Variants in KDELR2 observed in about 807,000 individuals in gnomAD.
KDELR2 encodes the protein KDEL endoplasmic reticulum protein retention receptor 2.
In KDELR2, 15 loss-of-function variants were observed where a neutral mutation model predicts 23.9. The ratio of observed to expected loss-of-function variants is 0.63; its 90% CI spans 0.42 to 0.97. KDELR2 has a LOEUF of 0.97. Ranked by LOEUF, KDELR2 falls within the 50% of genes least tolerant of loss-of-function variation. KDELR2 has a pLI of 0.00. For missense variants in KDELR2, 272 were observed against 254.6 expected (o/e 1.07, Z -0.46); for synonymous variants, 119 against 106.2 (o/e 1.12, Z -0.74).
Position 6,461,115 on chromosome 7 carries a change from G to A in KDELR2, c.*2026C>T, listed in dbSNP as rs920786258. ...TAATTACCTGGTAACCTTTATTCGGGAAGTGAAAGTAACTGTGAAACAGTG... is the reference window on the plus strand; with the variant it reads ...TAATTACCTGGTAACCTTTATTCGGAAAGTGAAAGTAACTGTGAAACAGTG... On this transcript the variant is annotated 3_prime_UTR_variant, in exon 5 of 5. Coordinates refer to ENST00000258739, the MANE Select transcript of KDELR2 (RefSeq NM_006854.4). 6.6e-6 allele frequency: 1 copy of A among 152,154 alleles called. No homozygotes were observed. Among genetic ancestry groups the A allele is most frequent in the Non-Finnish European group, 1.5e-5 (1 of 68,032 alleles). The allele number at this position is 152,154 out of a possible 1,614,324, so 9.4% of individuals were successfully genotyped here.
rs926395540 is a variant in KDELR2 at position 6,469,674 on chromosome 7, A to G, written c.273T>C (p.Asp91=). The G allele has an allele frequency of 1.9e-6, 3 of 1,614,116 alleles. No homozygotes were observed. The highest frequency in any genetic ancestry group is 2.5e-6 in the Non-Finnish European group (3 of 1,179,950). ...CCACCAGAAACTCCACTCGGAAGGTATCATGATTTCCATCGTAGGTTGCCT... is the reference window on the plus strand; with the variant it reads ...CCACCAGAAACTCCACTCGGAAGGTGTCATGATTTCCATCGTAGGTTGCCT... The part of the protein sequence containing the change: ...KFKATYDGNH[D]TFRVEFLVVP... Residue 91 remains aspartate, a synonymous_variant, in exon 3 of 5, where the codon GAT becomes GAC. Coordinates refer to ENST00000258739, the MANE Select transcript of KDELR2 (RefSeq NM_006854.4).
At position 6,469,664 on chromosome 7, in the gene KDELR2, C is replaced by G; in HGVS notation, c.283G>C (p.Val95Leu). The change falls in exon 3 of 5, where the codon GTG becomes CTG. Residue 95 changes from valine to leucine, a missense_variant. Physicochemically the swap from Val to Leu is conservative, Grantham distance 32. Coordinates refer to ENST00000258739, the MANE Select transcript of KDELR2 (RefSeq NM_006854.4). ...TYDGNHDTFR[V>L]EFLVVPVGGL... ...CCCACAGGGACCACCAGAAACTCCA[C>G]TCGGAAGGTATCATGATTTCCATCG... The G allele has an allele frequency of 1.2e-6, 2 of 1,614,146 alleles. No individual in the cohort carries two copies. The highest frequency in any genetic ancestry group is 1.7e-6 in the Non-Finnish European group (2 of 1,179,986).
chr7:6,469,944 C>T (rs1785592296), intron 2 of KDELR2, 190 bp from the exon 3 acceptor site: 1 of 463,824 alleles, frequency 2.2e-6, no homozygotes, highest in Non-Finnish European at 3.8e-6. Flanking sequence ...ATAACCACCA[C>T]CAAAATTAGG....
chr7:6,465,558 A>G (rs1392911462), intron 4 of KDELR2, among the ~76,000 whole-genome samples: 1 of 152,158 alleles, frequency 6.6e-6, no homozygotes, highest in Admixed American at 6.5e-5. Context: ...CTATGTTCAT[A>G]CAAATGCAAA....
rs1034210262 is a variant in KDELR2, at chr7:6,467,382, G to A, written c.352-1059C>T. Among the ~76,000 whole-genome samples, 4 of 152,272 alleles carry A rather than the reference G, an allele frequency of 2.6e-5. No homozygotes were observed. The East Asian group carries it at 7.7e-4, about 29-fold the overall frequency. On this transcript the variant is annotated intron_variant, in intron 3 of 4. Transcript: ENST00000258739. ...AATCAAAGGGGTAGAAGTCACAACT[G>A]TAATTATGGAAATTCTCTGCCCAGC... is the stretch of plus-strand genomic sequence containing the variant.
At chr7:6,476,405 G>A (rs1429050899) in intron 1 of KDELR2, among the ~76,000 whole-genome samples, 1 of 152,162 alleles carries the variant, frequency 6.6e-6, no homozygotes, top group Non-Finnish European at 1.5e-5. Flanking sequence ...CCAAGAAACC[G>A]GGAGGTTTCA....
chr7:6,463,015 T>G lies in KDELR2; in HGVS notation c.*126A>C, dbSNP rs780654020. On this transcript the variant is annotated 3_prime_UTR_variant, in exon 5 of 5. Coordinates refer to ENST00000258739, the MANE Select transcript of KDELR2 (RefSeq NM_006854.4). ...TTCCTCTGCGTTTTTACAGAGCCAC[T>G]GATGACTATCTGCAACAAAAGAGTT... 15 of 1,614,090 alleles carry G rather than the reference T, an allele frequency of 9.3e-6. No individual in the cohort carries two copies. Among genetic ancestry groups the G allele is most frequent in the Non-Finnish European group, 1.3e-5 (15 of 1,180,034 alleles).
At chr7:6,477,520 T>C (rs1258640523) in intron 1 of KDELR2, among the ~76,000 whole-genome samples, 1 of 152,228 alleles carries the variant, frequency 6.6e-6, no homozygotes, top group Non-Finnish European at 1.5e-5. Flanking sequence ...ATACTCACTT[T>C]TGTAAATGTT....
rs199508212 is a variant in KDELR2 at position 6,464,740 on chromosome 7, T to C, written c.604+1331A>G. Among the ~76,000 whole-genome samples the C allele has an allele frequency of 2.9e-4, 42 of 142,424 alleles. No individual in the cohort carries two copies. In the East Asian group the frequency reaches 5.4e-3, roughly 18 times the overall value. 93.4% of individuals were successfully genotyped at this position (142,424 alleles called of 152,430 possible). On this transcript the variant is annotated intron_variant, in intron 4 of 4. Transcript: ENST00000258739. ...CATATATGCTCTTTTTTTTCTTTTTTTTTTTTTTTTTTGAGACAGAGTTTT... is the reference window on the plus strand; with the variant it reads ...CATATATGCTCTTTTTTTTCTTTTTCTTTTTTTTTTTTGAGACAGAGTTTT...
At chr7:6,471,990 T>A (rs1785655806) in intron 2 of KDELR2, among the ~76,000 whole-genome samples, 1 of 151,914 alleles carries the variant, frequency 6.6e-6, no homozygotes, top group Non-Finnish European at 1.5e-5. Context: ...AACCTCCGCT[T>A]CCCGGGTTCA....
At chr7:6,467,529 G>C (rs1785528520) in intron 3 of KDELR2, among the ~76,000 whole-genome samples, 1 of 152,112 alleles carries the variant, frequency 6.6e-6, no homozygotes, top group African/African-American at 2.4e-5. Flanking sequence ...GGGAAGCCGA[G>C]ACAGGCAGAT....
At position 6,484,063 on chromosome 7, in the gene KDELR2, C is replaced by G. The variant is rs1429439169; in HGVS notation, c.-6G>C. ...GTCAGCCGGAAAATGTTCATGGCGGCGGCGGCGGTGGCGGTCGGCGCAGCG... is the reference window on the plus strand; with the variant it reads ...GTCAGCCGGAAAATGTTCATGGCGGGGGCGGCGGTGGCGGTCGGCGCAGCG... On this transcript the variant is annotated 5_prime_UTR_variant, in exon 1 of 5. Coordinates refer to ENST00000258739, the MANE Select transcript of KDELR2 (RefSeq NM_006854.4). 6.7e-7 allele frequency: 1 copy of G among 1,492,900 alleles called. No individual in the cohort carries two copies. Among genetic ancestry groups the G allele is most frequent in the Non-Finnish European group, 9.0e-7 (1 of 1,116,910 alleles). 92.5% of individuals were successfully genotyped at this position (1,492,900 alleles called of 1,614,324 possible).
chr7:6,483,887 G>A (rs1409964798), intron 1 of KDELR2, 80 bp downstream of exon 1: 7 of 1,160,164 alleles, frequency 6.0e-6, no homozygotes, highest in Non-Finnish European at 7.8e-6. Flanking sequence ...CGCGAGCCGT[G>A]GGGTGGCCGA....
rs192661373 is a variant in KDELR2, at chr7:6,478,496, T to C, written c.92-4212A>G. Among the ~76,000 whole-genome samples the C allele has an allele frequency of 1.8e-4, 27 of 152,306 alleles. 2 individuals carry two copies. In the East Asian group the frequency reaches 4.4e-3, roughly 25 times the overall value. ...AGACTAAGCATCCTTTCATGCTTCA[T>C]TGGTCTTTCGTTATTCTTCAGTGAA... On this transcript the variant is annotated intron_variant, in intron 1 of 4. Coordinates refer to ENST00000258739, the MANE Select transcript of KDELR2 (RefSeq NM_006854.4).
rs185368756 is a variant in KDELR2 at position 6,469,666 on chromosome 7, C to A, written c.281G>T (p.Arg94Leu). 1.9e-6 allele frequency: 3 copies of A among 1,614,058 alleles called. No homozygotes were observed. The highest frequency in any genetic ancestry group is 2.5e-6 in the Non-Finnish European group (3 of 1,179,950). The change falls in exon 3 of 5, where the codon CGA becomes CTA. Residue 94 changes from arginine (R) to leucine (L), a missense_variant. Coordinates refer to ENST00000258739, the MANE Select transcript of KDELR2 (RefSeq NM_006854.4). ...CACAGGGACCACCAGAAACTCCACTCGGAAGGTATCATGATTTCCATCGTA... is the reference window on the plus strand; with the variant it reads ...CACAGGGACCACCAGAAACTCCACTAGGAAGGTATCATGATTTCCATCGTA... The part of the protein sequence containing the change: ...ATYDGNHDTF[R>L]VEFLVVPVGG...
intron 2 of KDELR2, chr7:6,470,314 T>C (rs1389320788): frequency 6.6e-6 from 1 of 152,302 alleles, no homozygotes; most frequent in East Asian, 1.9e-4. Context: ...AGAGATACTC[T>C]TGGAGAATCT....
At chr7:6,468,398 C>T (rs1283769999) in intron 3 of KDELR2, among the ~76,000 whole-genome samples, 7 of 151,914 alleles carry the variant, frequency 4.6e-5, no homozygotes, top group East Asian at 3.9e-4. Flanking sequence ...GGCTCGATCT[C>T]GGCTCACTGC....
chr7:6,483,312 A>C (rs1785947349), intron 1 of KDELR2, among the ~76,000 whole-genome samples: 1 of 152,186 alleles, frequency 6.6e-6, no homozygotes, highest in African/African-American at 2.4e-5. Flanking sequence ...CAAGAAAATC[A>C]CTGACGACCT....
intron 1 of KDELR2, among the ~76,000 whole-genome samples, chr7:6,483,449 AG>A (rs1785952484): frequency 6.6e-6 from 1 of 152,176 alleles, no homozygotes; most frequent in South Asian, 2.1e-4. Flanking sequence ...TTGCACGGGC[AG>A]GGTGGGGAGC....
Sources: gnomAD v4.1 joint callset for allele counts (sites outside exome capture counted in the v4.1 genomes callset) on GRCh38, gnomAD v4.1.1 for gene constraint, MANE v1.5 for transcripts, NCBI Gene and HGNC (gene_info 2026-07-23, HGNC 2026-07-21) for gene names.